Variants in SKAP1 observed in about 807,000 individuals in gnomAD.
SKAP1 encodes src kinase associated phosphoprotein 1.
SKAP1 carries 44 observed loss-of-function variants against 58.5 expected under a neutral mutation model. That is an observed-to-expected ratio of 0.75 (90% CI 0.59 to 0.97). The LOEUF (loss-of-function observed/expected upper bound fraction) is 0.97, where lower values mean the gene tolerates loss of function less well. SKAP1 is among the 50% of genes least tolerant of loss of function. The pLI is 0.00. For synonymous variants in SKAP1, 127 were observed against 149.7 expected (o/e 0.85, Z 1.11); for missense variants, 390 against 435.2 (o/e 0.90, Z 0.92).
chr17:48,182,340 A>G, intron 8 of SKAP1, 54 bp downstream of exon 8: 1 of 1,301,690 alleles, frequency 7.7e-7, no homozygotes, highest in Admixed American at 1.8e-5. Flanking sequence ...TTTATGCAAC[A>G]TAACTTCAAC....
chr17:48,435,808 G>A, the SKAP1 span, among the ~76,000 whole-genome samples: 6 of 152,180 alleles, frequency 3.9e-5, no homozygotes, highest in Non-Finnish European at 5.9e-5. Flanking sequence ...GAAAGCTCTC[G>A]CCTGCACTGC....
chr17:48,274,978 C>T (rs2065680774), intron 4 of SKAP1, among the ~76,000 whole-genome samples: 1 of 152,192 alleles, frequency 6.6e-6, no homozygotes. Flanking sequence ...CTAGATAATG[C>T]TCCATCATCT....
At chr17:48,199,563 C>T (rs2064698218) in intron 4 of SKAP1, among the ~76,000 whole-genome samples, 1 of 152,192 alleles carries the variant, frequency 6.6e-6, no homozygotes, top group South Asian at 2.1e-4. Context: ...TATATACTCC[C>T]TCTTCTGTGC....
At chr17:48,434,944 C>T (rs2067932818), upstream of SKAP1, among the ~76,000 whole-genome samples, 1 of 152,050 alleles carries the variant, frequency 6.6e-6, no homozygotes, top group African/African-American at 2.4e-5. Context: ...AGTTGGAGAC[C>T]AGCCTCGGCA....
At chr17:48,245,424 T>C (rs1350998843) in intron 4 of SKAP1, among the ~76,000 whole-genome samples, 1 of 152,024 alleles carries the variant, frequency 6.6e-6, no homozygotes, top group African/African-American at 2.4e-5. Context: ...CAACAGGGAT[T>C]GTTTAAAAGT....
intron 2 of SKAP1, among the ~76,000 whole-genome samples, chr17:48,388,291 G>A (rs1389216445): frequency 2.6e-5 from 4 of 151,952 alleles, no homozygotes; most frequent in South Asian, 2.1e-4. Flanking sequence ...AAAATTAGCC[G>A]GGCATGGTGG....
At chr17:48,395,459 C>G (rs1029611121) in intron 2 of SKAP1, among the ~76,000 whole-genome samples, 1 of 151,938 alleles carries the variant, frequency 6.6e-6, no homozygotes, top group Admixed American at 6.6e-5. Flanking sequence ...ATTCCGCAAG[C>G]CACCCTTAGA....
In SKAP1 at chr17:48,187,394, T is replaced by G. The variant is rs180966535; in HGVS notation, c.442+449A>C. 1.3e-3 allele frequency among the ~76,000 whole-genome samples: 192 copies of G among 152,324 alleles called. 1 individual carries two copies. The highest frequency in any genetic ancestry group is 4.3e-3 in the African/African-American group (179 of 41,576). On this transcript the variant is annotated intron_variant, in intron 6 of 12. Coordinates refer to ENST00000336915, the MANE Select transcript of SKAP1 (RefSeq NM_003726.4). ...AGGAATGTCCACTGGACTACTTACT[T>G]ACTAGCAGTCATGAAGATAAAGCAG...
chr17:48,164,196 G>A (rs2064106679), intron 10 of SKAP1, among the ~76,000 whole-genome samples: 1 of 152,216 alleles, frequency 6.6e-6, no homozygotes, highest in South Asian at 2.1e-4. Flanking sequence ...AGTTTTCCCA[G>A]AGGATATATT....
intron 4 of SKAP1, among the ~76,000 whole-genome samples, chr17:48,320,910 T>C (rs1446343087): frequency 2.0e-5 from 3 of 152,336 alleles, no homozygotes; most frequent in South Asian, 2.1e-4. Flanking sequence ...ATTGAATACA[T>C]TACACGTCAA....
intron 10 of SKAP1, among the ~76,000 whole-genome samples, chr17:48,168,710 C>T (rs1268745306): frequency 3.3e-5 from 5 of 152,044 alleles, no homozygotes; most frequent in Non-Finnish European, 5.9e-5. Context: ...CTAAGTAGCC[C>T]AAACTTGTGT....
intron 2 of SKAP1, among the ~76,000 whole-genome samples, chr17:48,394,492 C>T (rs945854577): frequency 2.0e-5 from 3 of 151,962 alleles, no homozygotes; most frequent in African/African-American, 7.3e-5. Context: ...CAGGCATATA[C>T]CACCACACCT....
intron 11 of SKAP1, among the ~76,000 whole-genome samples, chr17:48,139,839 C>A (rs2144571691): frequency 1.3e-5 from 2 of 152,288 alleles, no homozygotes; most frequent in Middle Eastern, 3.4e-3. Flanking sequence ...TGACAACCAT[C>A]TTTCTTTCCC....
At chr17:48,243,628 T>A (rs1016118151) in intron 4 of SKAP1, among the ~76,000 whole-genome samples, 2 of 152,118 alleles carry the variant, frequency 1.3e-5, no homozygotes, top group African/African-American at 4.8e-5. Flanking sequence ...ATATAAAAAA[T>A]TTAATCTGTA....
chr17:48,297,949 A>G (rs2066002080), intron 4 of SKAP1, among the ~76,000 whole-genome samples: 1 of 152,176 alleles, frequency 6.6e-6, no homozygotes, highest in Non-Finnish European at 1.5e-5. Flanking sequence ...GAGATTTCTT[A>G]GTTTAAGGCA....
chr17:48,250,940 C>T (rs550637856), intron 4 of SKAP1, among the ~76,000 whole-genome samples: 4 of 152,112 alleles, frequency 2.6e-5, no homozygotes, highest in Non-Finnish European at 5.9e-5. Flanking sequence ...AATAACTATG[C>T]ATTAAAAATA....
intron 4 of SKAP1, among the ~76,000 whole-genome samples, chr17:48,326,367 G>T (rs2066437085): frequency 6.6e-6 from 1 of 152,140 alleles, no homozygotes; most frequent in African/African-American, 2.4e-5. Context: ...AAATAGAGAT[G>T]ATAAAAACAA....
At chr17:48,197,214 C>T (rs1337530651) in intron 4 of SKAP1, among the ~76,000 whole-genome samples, 2 of 146,010 alleles carry the variant, frequency 1.4e-5, no homozygotes, top group Admixed American at 1.4e-4. Flanking sequence ...GCCGAGATTG[C>T]GCCACTGCAC....
intron 7 of SKAP1, among the ~76,000 whole-genome samples, chr17:48,183,309 T>C (rs529533310): frequency 6.6e-6 from 1 of 152,062 alleles, no homozygotes; most frequent in South Asian, 2.1e-4. Context: ...AGCCAAAGGA[T>C]ATTGTAGAAG....
Sources: gnomAD v4.1 joint callset for allele counts (sites outside exome capture counted in the v4.1 genomes callset) on GRCh38, gnomAD v4.1.1 for gene constraint, MANE v1.5 for transcripts, NCBI Gene and HGNC (gene_info 2026-07-23, HGNC 2026-07-21) for gene names.